PPP1R11: variants seen among roughly 807,000 people sequenced by gnomAD.
The protein encoded by PPP1R11 is protein phosphatase 1 regulatory inhibitor subunit 11, also known as E3 ubiquitin-protein ligase PPP1R11.
In PPP1R11, 10 loss-of-function variants were observed where a neutral mutation model predicts 11.3. That is an observed-to-expected ratio of 0.88 (90% CI 0.55 to 1.50). PPP1R11 has a LOEUF of 1.50. PPP1R11 is among the 40% of genes most tolerant of loss of function. The probability of loss-of-function intolerance (pLI) is 0.00; values close to 1 mark genes in which losing one functional copy is unlikely to be tolerated. For missense variants in PPP1R11, 114 were observed against 179.1 expected, an observed-to-expected ratio of 0.64 and a Z score of 2.07; for synonymous variants, 56 against 62.3, an observed-to-expected ratio of 0.90 and a Z score of 0.48.
upstream of PPP1R11, chr6:30,061,909 C>T: frequency 6.2e-7 from 1 of 1,612,842 alleles, no homozygotes; most frequent in Non-Finnish European, 8.5e-7. This position sits in a 1 kb window ranked among gnomAD's most constrained non-coding sequence, Gnocchi z 5.0. Flanking sequence ...TCTTACTTGC[C>T]TGTGCAGACT....
chr6:30,069,355 C>T lies in PPP1R11; in HGVS notation c.*49C>T. 2.1e-6 allele frequency: 3 copies of T among 1,397,354 alleles called. No individual in the cohort carries two copies. The highest frequency in any genetic ancestry group is 2.9e-6 in the Non-Finnish European group (3 of 1,028,168). The allele number at this position is 1,397,354 out of a possible 1,614,324, so 86.6% of individuals were successfully genotyped here. On this transcript the variant is annotated 3_prime_UTR_variant, in exon 3 of 3. Coordinates refer to ENST00000376772, the MANE Select transcript of PPP1R11 (RefSeq NM_021959.3). This position sits in a 1 kb window ranked among gnomAD's most constrained non-coding sequence, Gnocchi z 6.6. ...TGTGTCTGTCTGGCCCTAAATGTAT[C>T]CATGTGGCTACTTCTCCAGCCCCCT...
At chr6:30,064,735 T>C, upstream of PPP1R11, 1 of 1,598,632 alleles carries the variant, frequency 6.3e-7, no homozygotes, top group Non-Finnish European at 8.5e-7. Flanking sequence ...CTCCCTCCTT[T>C]CGGAAGGTGA....
upstream of PPP1R11, among the ~76,000 whole-genome samples, chr6:30,065,374 T>C (rs546925867): frequency 5.9e-4 from 90 of 152,282 alleles, no homozygotes; most frequent in Non-Finnish European, 1.1e-3. This position sits in a 1 kb window ranked among gnomAD's most constrained non-coding sequence, Gnocchi z 5.3. Flanking sequence ...CTCCTTTTCC[T>C]CCTCCTGAGC....
At chr6:30,064,045 T>C (rs375755578), upstream of PPP1R11, among the ~76,000 whole-genome samples, 38 of 152,302 alleles carry the variant, frequency 2.5e-4, 1 homozygote, top group East Asian at 3.5e-3. Flanking sequence ...ACCTTATACA[T>C]TTTGTCCCTC....
At chr6:30,062,396 ATTT>A, upstream of PPP1R11, 1 of 1,182,862 alleles carries the variant, frequency 8.5e-7, no homozygotes, top group Non-Finnish European at 1.3e-6. Context: ...CCAGTGATTT[ATTT>A]TTTTGTACGA....
chr6:30,070,267 C>G lies in PPP1R11; in HGVS notation c.*961C>G, dbSNP rs551000157. On this transcript the variant is annotated 3_prime_UTR_variant, in exon 3 of 3. Coordinates refer to ENST00000376772, the MANE Select transcript of PPP1R11 (RefSeq NM_021959.3). The stretch of plus-strand genomic sequence containing the variant: ...ACACAGTTACAGAGATCAGTCAAAT[C>G]CATACCACCACTGAGATCTCATTTA... 56 of 156,012 alleles carry G rather than the reference C, an allele frequency of 3.6e-4. No homozygotes were observed. The highest frequency in any genetic ancestry group is 6.4e-4 in the Non-Finnish European group (45 of 70,146). The allele number at this position is 156,012 out of a possible 1,614,324, so 9.7% of individuals were successfully genotyped here.
At position 30,069,229 on chromosome 6, in the gene PPP1R11, A is replaced by G; in HGVS notation, c.304A>G (p.Thr102Ala). 2 of 1,612,526 alleles carry G rather than the reference A, an allele frequency of 1.2e-6. No individual in the cohort carries two copies. Among genetic ancestry groups the G allele is most frequent in the Non-Finnish European group, 1.7e-6 (2 of 1,179,814 alleles). ...CCACCGCAAAGGACGGCGTCGTGCA[A>G]CCCTAGGACCGACCCCCACCACCCC... ...RGHRKGRRRA[T>A]LGPTPTTPPQ... The change falls in exon 3 of 3, where the codon ACC becomes GCC. Residue 102 changes from threonine (T) to alanine (A), a missense_variant. Thr to Ala is a moderately conservative substitution (Grantham distance 58). Transcript: ENST00000376772. This position sits in a 1 kb window ranked among gnomAD's most constrained non-coding sequence, Gnocchi z 6.6.
upstream of PPP1R11, chr6:30,064,780 G>A (rs1190091449): frequency 7.7e-7 from 1 of 1,292,530 alleles, no homozygotes; most frequent in East Asian, 2.4e-5. Context: ...TGTCCATCCT[G>A]TCTGGTTGCA....
chr6:30,066,156 AG>A (rs1210075991), upstream of PPP1R11, among the ~76,000 whole-genome samples: 1 of 152,092 alleles, frequency 6.6e-6, no homozygotes, highest in Non-Finnish European at 1.5e-5. Context: ...CCCTACTTTA[AG>A]CCTTTCTCTG....
upstream of PPP1R11, chr6:30,061,780 T>C (rs1238195344): frequency 3.2e-6 from 5 of 1,561,892 alleles, no homozygotes; most frequent in Non-Finnish European, 2.6e-6. The surrounding 1 kb of genome is among the most constrained non-coding windows in gnomAD (Gnocchi z 5.0). Context: ...ATCAGGCGGT[T>C]GTACATTTGG....
At chr6:30,068,763 C>CTCATA (rs1396540968) in intron 2 of PPP1R11, 65 bp downstream of exon 2, 32 of 1,372,180 alleles carry the variant, frequency 2.3e-5, no homozygotes, top group Non-Finnish European at 3.1e-5. Context: ...CTTGTATCTA[C>CTCATA]TCATATCCAC....
intron 1 of PPP1R11, 171 bp from the exon 2 acceptor site, chr6:30,068,419 G>A: frequency 1.9e-6 from 1 of 525,776 alleles, no homozygotes. Flanking sequence ...ATTCCTCAAG[G>A]GACTATCTGA....
upstream of PPP1R11, chr6:30,062,238 C>T (rs1561962048): frequency 6.2e-7 from 1 of 1,612,764 alleles, no homozygotes; most frequent in African/African-American, 1.3e-5. Context: ...ACAGGCGCTG[C>T]CCTCGATGTG....
intron 1 of PPP1R11, chr6:30,068,120 T>C (rs1394646454): frequency 6.5e-6 from 1 of 154,858 alleles, no homozygotes; most frequent in African/African-American, 2.4e-5. Flanking sequence ...TGCCAGAGAA[T>C]AGGTGGATAA....
upstream of PPP1R11, chr6:30,062,036 G>T: frequency 6.2e-7 from 1 of 1,606,966 alleles, no homozygotes; most frequent in Non-Finnish European, 8.5e-7. Context: ...ATGAGATCAA[G>T]AACTGGCTCC....
upstream of PPP1R11, among the ~76,000 whole-genome samples, chr6:30,064,413 T>A (rs1389359373): frequency 6.6e-6 from 1 of 151,866 alleles, no homozygotes; most frequent in African/African-American, 2.4e-5. Flanking sequence ...GTTCAGCTTA[T>A]CCTTTTTTTT....
At chr6:30,066,619 AGC>A (rs1765554589), upstream of PPP1R11, 1 of 152,252 alleles carries the variant, frequency 6.6e-6, no homozygotes, top group Non-Finnish European at 1.5e-5. Flanking sequence ...GCAGGGTCTG[AGC>A]GTCTTACGCG....
At chr6:30,061,742 G>C, upstream of PPP1R11, 1 of 1,598,404 alleles carries the variant, frequency 6.3e-7, no homozygotes, top group Non-Finnish European at 8.5e-7. This position sits in a 1 kb window ranked among gnomAD's most constrained non-coding sequence, Gnocchi z 5.0. Flanking sequence ...AGATCGGTTG[G>C]GTTGAGGAGG....
upstream of PPP1R11, among the ~76,000 whole-genome samples, chr6:30,063,745 T>TTGTG (rs1765297093): frequency 6.6e-6 from 1 of 152,128 alleles, no homozygotes; most frequent in Non-Finnish European, 1.5e-5. The surrounding 1 kb of genome is among the most constrained non-coding windows in gnomAD (Gnocchi z 4.1). Context: ...TTCTCAGCAT[T>TTGTG]TGTGTTTCTT....
Sources: allele counts gnomAD v4.1 joint callset (sites outside exome capture counted in the v4.1 genomes callset), GRCh38; gene constraint gnomAD v4.1.1; non-coding constraint Gnocchi (gnomAD v3.1); transcripts MANE v1.5; gene names NCBI Gene and HGNC (gene_info 2026-07-23, HGNC 2026-07-21).